Variants in SVBP observed in about 807,000 individuals in gnomAD.
SVBP encodes small vasohibin-binding protein.
Under a neutral mutation model 9.2 loss-of-function variants are expected in SVBP, and 9 were observed. That is an observed-to-expected ratio of 0.98 (90% confidence interval 0.59 to 1.71). The LOEUF is 1.71. SVBP is among the 40% of genes most tolerant of loss of function. SVBP has a pLI of 0.00. For missense variants in SVBP, 63 were observed against 73.2 expected, an observed-to-expected ratio of 0.86 and a Z score of 0.51; for synonymous variants, 27 against 23.9, an observed-to-expected ratio of 1.13 and a Z score of -0.37.
chr1:42,811,768 T>C (rs1022149730), intron 2 of SVBP, among the ~76,000 whole-genome samples: 3 of 152,126 alleles, frequency 2.0e-5, no homozygotes, highest in African/African-American at 7.2e-5. Context: ...CAACGTCACA[T>C]GGAAGAACTG....
At chr1:42,814,580 C>CA (rs1163147490) in intron 2 of SVBP, among the ~76,000 whole-genome samples, 1 of 146,528 alleles carries the variant, frequency 6.8e-6, no homozygotes, top group Non-Finnish European at 1.5e-5. Context: ...CACGCCACTG[C>CA]ACTCCAGCCT....
At chr1:42,808,841 T>C (rs933092791) in intron 2 of SVBP, among the ~76,000 whole-genome samples, 1 of 151,984 alleles carries the variant, frequency 6.6e-6, no homozygotes, top group Admixed American at 6.6e-5. Context: ...AGATTACAGG[T>C]GCCCGCCACC....
In SVBP at chr1:42,807,605, T is replaced by C. The variant is rs953571250; in HGVS notation, c.115-105A>G. The C allele has an allele frequency of 2.0e-5, 16 of 820,122 alleles. No homozygotes were observed. In the African/African-American group the frequency reaches 2.7e-4, roughly 14 times the overall value. The allele number at this position is 820,122 out of a possible 1,614,324, so 50.8% of individuals were successfully genotyped here. A position where few individuals can be genotyped will look rare whatever the true frequency, so the allele number is the denominator to read the frequency against. On this transcript the variant is annotated intron_variant, in intron 2 of 2. Coordinates refer to ENST00000372521, the MANE Select transcript of SVBP (RefSeq NM_199342.4). ...TCTGAAAATACCAGAATTTCACCAG[T>C]AGTGGTAATGCAGGGACAGTGCTCT...
chr1:42,815,680 T>G (rs1450963949), intron 2 of SVBP, among the ~76,000 whole-genome samples: 1 of 152,058 alleles, frequency 6.6e-6, no homozygotes, highest in Non-Finnish European at 1.5e-5. Context: ...GCATGAATAG[T>G]TCTAAAAAAC....
chr1:42,817,309 C>A lies in SVBP; in HGVS notation c.-156G>T. ...CCAGCGCTGCCTGCCCACCGCCCCTCGTCCTGGGCGGGGCCGCGCGCCGGG... is the reference window on the plus strand; with the variant it reads ...CCAGCGCTGCCTGCCCACCGCCCCTAGTCCTGGGCGGGGCCGCGCGCCGGG... On this transcript the variant is annotated 5_prime_UTR_variant, in exon 1 of 3. Coordinates refer to ENST00000372521, the MANE Select transcript of SVBP (RefSeq NM_199342.4). 2.6e-6 allele frequency: 3 copies of A among 1,172,654 alleles called. No homozygotes were observed. Among genetic ancestry groups the A allele is most frequent in the Non-Finnish European group, 3.3e-6 (3 of 909,852 alleles). 72.6% of individuals were successfully genotyped at this position (1,172,654 alleles called of 1,614,324 possible).
rs1322385638 is a variant in SVBP, at chr1:42,817,330, C to T, written c.-177G>A. The T allele has an allele frequency of 8.4e-6, 9 of 1,066,772 alleles. No homozygotes were observed. Among genetic ancestry groups the T allele is most frequent in the Non-Finnish European group, 1.1e-5 (9 of 829,558 alleles). 66.1% of individuals were successfully genotyped at this position (1,066,772 alleles called of 1,614,324 possible). On this transcript the variant is annotated 5_prime_UTR_variant, in exon 1 of 3. Coordinates refer to ENST00000372521, the MANE Select transcript of SVBP (RefSeq NM_199342.4). ...CCCTCGTCCTGGGCGGGGCCGCGCG[C>T]CGGGGGGAGGGGCGCAGGGCCGAGC...
chr1:42,816,323 G>C, intron 2 of SVBP, 108 bp downstream of exon 2: 1 of 803,582 alleles, frequency 1.2e-6, no homozygotes, highest in East Asian at 2.5e-5. Context: ...CACCCATCCT[G>C]CCTGGAGGCA....
chr1:42,815,205 C>T (rs1654171339), intron 2 of SVBP, among the ~76,000 whole-genome samples: 1 of 124,732 alleles, frequency 8.0e-6, no homozygotes, highest in African/African-American at 3.2e-5. Flanking sequence ...ACATCACACA[C>T]CAGGGCCTGT....
At chr1:42,814,948 G>T (rs1408206809) in intron 2 of SVBP, among the ~76,000 whole-genome samples, 1 of 152,080 alleles carries the variant, frequency 6.6e-6, no homozygotes, top group Non-Finnish European at 1.5e-5. Context: ...ATTCACAATA[G>T]CAAAGACTTG....
At chr1:42,808,160 TATATATATATATATATATAC>T (rs1467262018) in intron 2 of SVBP, among the ~76,000 whole-genome samples, 11 of 119,220 alleles carry the variant, frequency 9.2e-5, no homozygotes, top group African/African-American at 2.2e-4. Context: ...TATATATATA[TATATATATATATATATATAC>T]ATACTATGTA....
chr1:42,813,636 G>T, intron 2 of SVBP: 1 of 528,924 alleles, frequency 1.9e-6, no homozygotes, highest in Non-Finnish European at 3.9e-6. Flanking sequence ...ACCACATATG[G>T]GCTGGCAACT....
In SVBP at chr1:42,807,093, T is replaced by C. The variant is rs1032541056; in HGVS notation, c.*321A>G. On this transcript the variant is annotated 3_prime_UTR_variant, in exon 3 of 3. Coordinates refer to ENST00000372521, the MANE Select transcript of SVBP (RefSeq NM_199342.4). Reference sequence around the variant, plus strand: ...TTTATTTGTATTTTTGGAGAAGATATAGAGTTTCATGAGAAACACTGATTT... The same window carrying C: ...TTTATTTGTATTTTTGGAGAAGATACAGAGTTTCATGAGAAACACTGATTT... The C allele has an allele frequency of 2.0e-5, 4 of 202,652 alleles. No homozygotes were observed. Among genetic ancestry groups the C allele is most frequent in the East Asian group, 1.1e-4 (1 of 9,064 alleles). The allele number at this position is 202,652 out of a possible 1,614,324, so 12.6% of individuals were successfully genotyped here.
intron 2 of SVBP, chr1:42,814,006 T>A (rs1358123473): frequency 5.4e-6 from 1 of 183,954 alleles, no homozygotes; most frequent in African/African-American, 2.4e-5. Flanking sequence ...GCAAGATCCA[T>A]GAAGGCAGGG....
At chr1:42,812,625 T>G (rs181168849) in intron 2 of SVBP, among the ~76,000 whole-genome samples, 11 of 152,342 alleles carry the variant, frequency 7.2e-5, no homozygotes, top group African/African-American at 2.6e-4. Flanking sequence ...GTTGTCACAT[T>G]GTTCTAATTT....
At chr1:42,817,168 C>G (rs1654244274) in intron 1 of SVBP, 22 bp downstream of exon 1, 1 of 1,211,670 alleles carries the variant, frequency 8.3e-7, no homozygotes, top group Admixed American at 2.8e-5. Flanking sequence ...AGCCGCCGAC[C>G]AAGAGGCTTG....
At chr1:42,811,067 A>G (rs1654071917) in intron 2 of SVBP, among the ~76,000 whole-genome samples, 1 of 152,144 alleles carries the variant, frequency 6.6e-6, no homozygotes, top group African/African-American at 2.4e-5. Context: ...TGAACCTGGG[A>G]GGTGGAGGTT....
chr1:42,807,837 T>C (rs1410155721), intron 2 of SVBP, among the ~76,000 whole-genome samples: 1 of 152,082 alleles, frequency 6.6e-6, no homozygotes, highest in African/African-American at 2.4e-5. Context: ...CAAATAATCT[T>C]CTGGTCTAGT....
At position 42,813,085 on chromosome 1, in the gene SVBP, C is replaced by T. The variant is rs145149084; in HGVS notation, c.114+3346G>A. Among the ~76,000 whole-genome samples, 371 of 152,090 alleles carry T rather than the reference C, an allele frequency of 2.4e-3. 1 individual carries two copies. Among genetic ancestry groups the T allele is most frequent in the African/African-American group, 7.4e-3 (306 of 41,466 alleles). On this transcript the variant is annotated intron_variant, in intron 2 of 2. Transcript: ENST00000372521. Reference sequence around the variant, plus strand: ...CCAAATCCTCTTGTCTTTTAAATAACGCAGAAAAATACTAATTTGCTAAGA... The same window carrying T: ...CCAAATCCTCTTGTCTTTTAAATAATGCAGAAAAATACTAATTTGCTAAGA...
intron 2 of SVBP, among the ~76,000 whole-genome samples, chr1:42,812,025 A>G (rs1654093881): frequency 6.6e-6 from 1 of 152,110 alleles, no homozygotes; most frequent in African/African-American, 2.4e-5. Context: ...AGCTGTTACT[A>G]AAGACAATAT....
Sources: allele counts gnomAD v4.1 joint callset (sites outside exome capture counted in the v4.1 genomes callset), GRCh38; gene constraint gnomAD v4.1.1; transcripts MANE v1.5; gene names NCBI Gene and HGNC (gene_info 2026-07-23, HGNC 2026-07-21).